Variants in C17orf113 observed in about 807,000 individuals in gnomAD.
C17orf113 encodes the protein chromosome 17 open reading frame 113.
A neutral mutation model predicts 11.6 loss-of-function variants in C17orf113; 5 were observed. The observed-to-expected ratio is 0.43, with a 90% CI of 0.23 to 0.91. The LOEUF is 0.91. C17orf113 is among the 40% of genes least tolerant of loss of function. The pLI is 0.26. For missense variants in C17orf113, 714 were observed against 841.3 expected (o/e 0.85, Z 1.87); for synonymous variants, 327 against 390.6 (o/e 0.84, Z 1.92).
intron 2 of C17orf113, among the ~76,000 whole-genome samples, chr17:42,041,607 A>G (rs186675269): frequency 3.3e-5 from 5 of 152,280 alleles, no homozygotes; most frequent in Non-Finnish European, 7.4e-5. Context: ...GTGTTTTTCT[A>G]TAGCATCATC....
intron 1 of C17orf113, among the ~76,000 whole-genome samples, chr17:42,045,570 A>G (rs1470875292): frequency 1.3e-5 from 2 of 152,218 alleles, no homozygotes; most frequent in African/African-American, 2.4e-5. Flanking sequence ...TTCATAAGCA[A>G]TAAGTAGCTG....
chr17:42,049,370 C>T (rs189864171), intron 1 of C17orf113, among the ~76,000 whole-genome samples: 3 of 152,132 alleles, frequency 2.0e-5, no homozygotes, highest in African/African-American at 4.8e-5. Flanking sequence ...TCTCCACCCC[C>T]CTTCTCATGC....
chr17:42,049,500 G>A (rs2053240716), intron 1 of C17orf113, among the ~76,000 whole-genome samples: 1 of 152,234 alleles, frequency 6.6e-6, no homozygotes, highest in Admixed American at 6.5e-5. Flanking sequence ...GAAAGAGCAG[G>A]TTCCCAGGCA....
intron 2 of C17orf113, among the ~76,000 whole-genome samples, chr17:42,042,210 T>A (rs1419119387): frequency 1.3e-5 from 2 of 151,720 alleles, no homozygotes; most frequent in Non-Finnish European, 2.9e-5. Flanking sequence ...CATCTCTATG[T>A]TTAAAAAAAA....
At chr17:42,044,471 G>A (rs1382586817) in intron 1 of C17orf113, among the ~76,000 whole-genome samples, 3 of 151,664 alleles carry the variant, frequency 2.0e-5, no homozygotes, top group Admixed American at 1.3e-4. Context: ...AACAAAATTA[G>A]TTGGCATGGT....
Position 42,039,444 on chromosome 17 carries a change from A to G in C17orf113, c.*261T>C. 2.8e-6 allele frequency: 1 copy of G among 358,600 alleles called. No homozygotes were observed. Among genetic ancestry groups the G allele is most frequent in the Non-Finnish European group, 5.0e-6 (1 of 201,166 alleles). The allele number at this position is 358,600 out of a possible 1,614,324, so 22.2% of individuals were successfully genotyped here. On this transcript the variant is annotated 3_prime_UTR_variant, in exon 3 of 3. Transcript: ENST00000587304. ...TGAGCTACTCCTCATCTAACTGTGT[A>G]AAGGCCAGGAATGATTTAGGGTACC... is the stretch of plus-strand genomic sequence containing the variant.
chr17:42,045,133 G>A (rs2053127413), intron 1 of C17orf113, among the ~76,000 whole-genome samples: 1 of 152,200 alleles, frequency 6.6e-6, no homozygotes. Context: ...TAGCCACGAT[G>A]GTCTCGATCT....
intron 1 of C17orf113, among the ~76,000 whole-genome samples, chr17:42,045,188 A>G (rs1363442152): frequency 2.0e-5 from 3 of 152,152 alleles, no homozygotes; most frequent in African/African-American, 4.8e-5. Flanking sequence ...AAGTGCTGGG[A>G]TTACAGGCGT....
chr17:42,039,738 C>G lies in C17orf113; in HGVS notation c.1995G>C (p.Trp665Cys). ...GLAVEFLESG[W>C]GEGFLGSQLT ...GCTGCGACCCCAGGAAGCCCTCTCC[C>G]CACCCACTCTCTAAGAACTCCACAG... Residue 665 changes from tryptophan (W) to cysteine (C), a missense_variant, in exon 3 of 3, where the codon TGG becomes TGC. By Grantham distance (215) the Trp-to-Cys change is radical. Around this residue, in one of 3 missense-constraint regions of C17orf113, gnomAD observed 194 missense variants for 197.2 expected, o/e 0.98. Transcript: ENST00000587304. 8.1e-7 allele frequency: 1 copy of G among 1,232,520 alleles called. No individual in the cohort carries two copies. The highest frequency in any genetic ancestry group is 1.0e-6 in the Non-Finnish European group (1 of 988,212). 76.3% of individuals were successfully genotyped at this position (1,232,520 alleles called of 1,614,324 possible).
At chr17:42,048,098 C>A (rs905433305) in intron 1 of C17orf113, among the ~76,000 whole-genome samples, 2 of 152,136 alleles carry the variant, frequency 1.3e-5, no homozygotes, top group Admixed American at 1.3e-4. Context: ...TCCTCCCCCC[C>A]TTCCCAACTT....
chr17:42,040,489 G>A lies in C17orf113; in HGVS notation c.1244C>T (p.Ser415Phe). Residue 415 changes from serine (S) to phenylalanine (F), a missense_variant, in exon 3 of 3, where the codon TCC becomes TTC. This residue lies in a region of C17orf113 where 516 missense variants were observed against 626.6 expected (regional missense o/e 0.82). Transcript: ENST00000587304. Reference sequence around the variant, plus strand: ...CGGCTCTTCTGCCTGCAGGACAAGGGAGAGCTTCTGCACAGAGGGCAGGGC... The same window carrying A: ...CGGCTCTTCTGCCTGCAGGACAAGGAAGAGCTTCTGCACAGAGGGCAGGGC... ...LDALPSVQKL[S>F]LVLQAEEPDL... 1 of 1,232,424 alleles carries A rather than the reference G, an allele frequency of 8.1e-7. No individual in the cohort carries two copies. Among genetic ancestry groups the A allele is most frequent in the Non-Finnish European group, 1.0e-6 (1 of 988,162 alleles). 76.3% of individuals were successfully genotyped at this position (1,232,424 alleles called of 1,614,324 possible).
chr17:42,042,790 C>T, intron 2 of C17orf113, 44 bp downstream of exon 2: 1 of 1,227,834 alleles, frequency 8.1e-7, no homozygotes. Flanking sequence ...GCTCAGTGTC[C>T]TCCCTTCCCA....
intron 1 of C17orf113, among the ~76,000 whole-genome samples, chr17:42,047,595 G>T (rs564941188): frequency 6.6e-6 from 1 of 152,260 alleles, no homozygotes; most frequent in South Asian, 2.1e-4. Flanking sequence ...TCCAGGGCCG[G>T]CTGGTTTGGT....
At position 42,039,492 on chromosome 17, in the gene C17orf113, A is replaced by C. The variant is rs1598183850; in HGVS notation, c.*213T>G. On this transcript the variant is annotated 3_prime_UTR_variant, in exon 3 of 3. Coordinates refer to ENST00000587304, the MANE Select transcript of C17orf113 (RefSeq NM_001358661.2). ...ACCCCAGATCCTAGCATCTCTGCCC[A>C]CCCGCCCAGGCCCCTCTTGAGCCAG... The C allele has an allele frequency of 6.5e-5, 23 of 353,546 alleles. No individual in the cohort carries two copies. The highest frequency in any genetic ancestry group is 1.3e-4 in the East Asian group (3 of 23,218). 21.9% of individuals were successfully genotyped at this position (353,546 alleles called of 1,614,324 possible).
chr17:42,041,630 A>T (rs1194105508), intron 2 of C17orf113, among the ~76,000 whole-genome samples: 4 of 152,220 alleles, frequency 2.6e-5, no homozygotes, highest in African/African-American at 9.6e-5. Context: ...AGTCTGCCCT[A>T]TTCCTGGGGG....
In C17orf113 at chr17:42,040,392, C is replaced by A; in HGVS notation, c.1341G>T (p.Gly447=). ...ASLQAQRGSG[G]ARLQGFLQEL... is the part of the protein sequence containing the mutation. ...CCTGCAGGAAGCCCTGGAGGCGGGCCCCACCTGAGCCGCGCTGAGCTTGGA... is the reference window on the plus strand; with the variant it reads ...CCTGCAGGAAGCCCTGGAGGCGGGCACCACCTGAGCCGCGCTGAGCTTGGA... The change falls in exon 3 of 3, where the codon GGG becomes GGT. Residue 447 remains glycine (G), a synonymous_variant. Transcript: ENST00000587304. The A allele has an allele frequency of 3.2e-6, 4 of 1,231,952 alleles. No homozygotes were observed. The highest frequency in any genetic ancestry group is 4.0e-6 in the Non-Finnish European group (4 of 987,934). 76.3% of individuals were successfully genotyped at this position (1,231,952 alleles called of 1,614,324 possible). A position where few individuals can be genotyped will look rare whatever the true frequency, so the allele number is the denominator to read the frequency against.
At chr17:42,041,753 A>G (rs945409240) in intron 2 of C17orf113, among the ~76,000 whole-genome samples, 2 of 152,136 alleles carry the variant, frequency 1.3e-5, no homozygotes, top group African/African-American at 4.8e-5. Context: ...TCATCTCTGT[A>G]GGATGAGATC....
intron 1 of C17orf113, among the ~76,000 whole-genome samples, chr17:42,045,733 T>C (rs1272244606): frequency 6.6e-6 from 1 of 152,160 alleles, no homozygotes; most frequent in African/African-American, 2.4e-5. Context: ...TGCATGGTCA[T>C]TTCCCCCAGA....
In C17orf113 at chr17:42,040,102, A is replaced by C; in HGVS notation, c.1631T>G (p.Leu544Arg). 1.7e-5 allele frequency: 21 copies of C among 1,231,308 alleles called. No individual in the cohort carries two copies. The highest frequency in any genetic ancestry group is 2.1e-5 in the Non-Finnish European group (21 of 987,640). 76.3% of individuals were successfully genotyped at this position (1,231,308 alleles called of 1,614,324 possible). A position where few individuals can be genotyped will look rare whatever the true frequency, so the allele number is the denominator to read the frequency against. ...GTHGEGALRVLLRGFAPAVVR... is the reference protein window; with the variant it reads ...GTHGEGALRVRLRGFAPAVVR... ...CACGGCAGGAGCAAAGCCGCGCAGC[A>C]GCACCCGCAGCGCCCCCTCGCCATG... The change falls in exon 3 of 3, where the codon CTG becomes CGG. Residue 544 changes from leucine to arginine, a missense_variant. This residue lies in a region of C17orf113 where 194 missense variants were observed against 197.2 expected (regional missense o/e 0.98). Transcript: ENST00000587304.
Sources: allele counts gnomAD v4.1 joint callset (sites outside exome capture counted in the v4.1 genomes callset), GRCh38; gene constraint gnomAD v4.1.1; regional missense constraint gnomAD v4.1.1; transcripts MANE v1.5; gene names NCBI Gene and HGNC (gene_info 2026-07-23, HGNC 2026-07-21).